Variants in ADAMTS19 observed in about 807,000 individuals in gnomAD.
The protein encoded by ADAMTS19 is A disintegrin and metalloproteinase with thrombospondin motifs 19.
ADAMTS19 carries 93 observed loss-of-function variants against 153.3 expected under a neutral mutation model. That is an observed-to-expected ratio of 0.61 (90% CI 0.51 to 0.72). The LOEUF is 0.72. Ranked by LOEUF, ADAMTS19 falls within the 30% of genes least tolerant of loss-of-function variation. The probability of loss-of-function intolerance (pLI) is 0.00; values close to 1 mark genes in which losing one functional copy is unlikely to be tolerated. For synonymous variants in ADAMTS19, 600 were observed against 556.6 expected (o/e 1.08, Z -1.10); for missense variants, 1,482 against 1,552.1 (o/e 0.95, Z 0.76).
intron 21 of ADAMTS19, among the ~76,000 whole-genome samples, chr5:129,724,398 C>G (rs1439371540): frequency 2.6e-5 from 4 of 152,114 alleles, no homozygotes; most frequent in Non-Finnish European, 5.9e-5. Context: ...AGGGTATAAT[C>G]AGGTGTGTTC....
chr5:129,484,375 C>T (rs1257803905), intron 2 of ADAMTS19, among the ~76,000 whole-genome samples: 1 of 152,048 alleles, frequency 6.6e-6, no homozygotes, highest in Non-Finnish European at 1.5e-5. Flanking sequence ...TTATCTGGGT[C>T]CCCAGATGTA....
intron 2 of ADAMTS19, among the ~76,000 whole-genome samples, chr5:129,486,492 CAG>C (rs1750596022): frequency 6.6e-6 from 1 of 152,026 alleles, no homozygotes; most frequent in African/African-American, 2.4e-5. Flanking sequence ...AAAATTATAA[CAG>C]TGTGAATTAC....
chr5:129,470,250 A>G (rs73787509), intron 2 of ADAMTS19, among the ~76,000 whole-genome samples: 29,213 of 152,168 alleles, frequency 0.19, 4,284 homozygotes, highest in African/African-American at 0.41. Context: ...CAGAGCACAT[A>G]TTTATTGAGT....
rs1241786552 is a variant in ADAMTS19 at position 129,713,261 on chromosome 5, T to G, written c.3312+8870T>G. 2.0e-5 allele frequency among the ~76,000 whole-genome samples: 3 copies of G among 152,206 alleles called. No individual in the cohort carries two copies. The East Asian group carries it at 5.8e-4, about 29-fold the overall frequency. On this transcript the variant is annotated intron_variant, in intron 21 of 22. Coordinates refer to ENST00000274487, the MANE Select transcript of ADAMTS19 (RefSeq NM_133638.6). ...AAATATGAGAATTTGATATGAATTT[T>G]ATAAAATTATAAGCAGTAGTCTTAA...
At chr5:129,701,363 C>G in intron 19 of ADAMTS19, 25 bp from the exon 20 acceptor site, 3 of 1,613,388 alleles carry the variant, frequency 1.9e-6, no homozygotes, top group Non-Finnish European at 2.5e-6. Flanking sequence ...TAACTTGTTT[C>G]CAGTGACTCT....
chr5:129,519,495 T>C (rs1163645819), intron 3 of ADAMTS19, among the ~76,000 whole-genome samples: 2 of 152,052 alleles, frequency 1.3e-5, no homozygotes, highest in African/African-American at 4.8e-5. Context: ...TCTCAGTATA[T>C]TGTGTGTACC....
chr5:129,688,353 G>A (rs2127136659), intron 18 of ADAMTS19: 1 of 152,250 alleles, frequency 6.6e-6, no homozygotes, highest in Non-Finnish European at 1.5e-5. Flanking sequence ...AGTATAAAAT[G>A]TGTGTATAAG....
chr5:129,642,383 A>G (rs886339481), intron 11 of ADAMTS19, among the ~76,000 whole-genome samples: 1 of 152,156 alleles, frequency 6.6e-6, no homozygotes, highest in African/African-American at 2.4e-5. Flanking sequence ...TCAATATAAT[A>G]ATCATCCATA....
chr5:129,721,844 C>T (rs1025757516), intron 21 of ADAMTS19, among the ~76,000 whole-genome samples: 1 of 151,226 alleles, frequency 6.6e-6, no homozygotes, highest in Non-Finnish European at 1.5e-5. Flanking sequence ...TGAGTCAGAA[C>T]ATGCAGTGTT....
intron 8 of ADAMTS19, among the ~76,000 whole-genome samples, chr5:129,605,173 A>G (rs775192692): frequency 6.6e-6 from 1 of 152,200 alleles, no homozygotes; most frequent in Non-Finnish European, 1.5e-5. Context: ...TTTTCAAATT[A>G]GATTCAGGGA....
chr5:129,618,717 A>T (rs1751642704), intron 8 of ADAMTS19, among the ~76,000 whole-genome samples: 1 of 152,002 alleles, frequency 6.6e-6, no homozygotes, highest in East Asian at 1.9e-4. Flanking sequence ...ATTTTTCATT[A>T]TGAAAACAAT....
intron 7 of ADAMTS19, among the ~76,000 whole-genome samples, chr5:129,565,822 C>G (rs1753686119): frequency 6.6e-6 from 1 of 152,098 alleles, no homozygotes; most frequent in South Asian, 2.1e-4. Context: ...GAAAAAAGGT[C>G]TGCCATCAAA....
At chr5:129,528,402 G>A in intron 5 of ADAMTS19, 118 bp from the exon 6 acceptor site, 1 of 737,104 alleles carries the variant, frequency 1.4e-6, no homozygotes, top group Non-Finnish European at 2.0e-6. Context: ...TCTAATTAAT[G>A]TTATGGTCAG....
chr5:129,611,211 G>A (rs1751198354), intron 8 of ADAMTS19, among the ~76,000 whole-genome samples: 1 of 149,192 alleles, frequency 6.7e-6, no homozygotes, highest in East Asian at 2.1e-4. Context: ...TGAGTAGATT[G>A]CAAAAATTTT....
chr5:129,536,886 A>C (rs959717035), intron 6 of ADAMTS19, among the ~76,000 whole-genome samples: 4 of 149,358 alleles, frequency 2.7e-5, no homozygotes, highest in African/African-American at 9.8e-5. Flanking sequence ...AGGAAGGGGA[A>C]CATCACACTC....
chr5:129,495,871 T>A (rs1750911520), intron 2 of ADAMTS19, among the ~76,000 whole-genome samples: 1 of 152,104 alleles, frequency 6.6e-6, no homozygotes, highest in African/African-American at 2.4e-5. Flanking sequence ...TCTTTAGGTG[T>A]ATGATCTCCT....
chr5:129,712,968 A>G (rs1756550070), intron 21 of ADAMTS19, among the ~76,000 whole-genome samples: 1 of 152,192 alleles, frequency 6.6e-6, no homozygotes, highest in Non-Finnish European at 1.5e-5. Context: ...AGAGGGTTTA[A>G]TAATATTTCC....
chr5:129,537,415 C>T (rs535517045), intron 6 of ADAMTS19, among the ~76,000 whole-genome samples: 1 of 152,166 alleles, frequency 6.6e-6, no homozygotes, highest in African/African-American at 2.4e-5. Flanking sequence ...ACCCAGCCAT[C>T]CCATTACTGG....
At chr5:129,525,028 T>C (rs1751958651) in intron 3 of ADAMTS19, among the ~76,000 whole-genome samples, 1 of 152,126 alleles carries the variant, frequency 6.6e-6, no homozygotes, top group Non-Finnish European at 1.5e-5. Flanking sequence ...CTCCTTTTCA[T>C]TGCTATATAG....
Sources: allele counts gnomAD v4.1 joint callset (sites outside exome capture counted in the v4.1 genomes callset), GRCh38; gene constraint gnomAD v4.1.1; transcripts MANE v1.5; gene names NCBI Gene and HGNC (gene_info 2026-07-23, HGNC 2026-07-21).